CNTNAP2: variants seen among roughly 807,000 people sequenced by gnomAD.
The protein encoded by CNTNAP2 is contactin associated protein 2.
CNTNAP2 carries 98 observed loss-of-function variants against 155.2 expected under a neutral mutation model. The observed-to-expected ratio is 0.63, with a 90% CI of 0.54 to 0.75. The LOEUF is 0.75. Among genes scored for constraint, CNTNAP2 ranks in the 30% least tolerant of loss-of-function variants. The pLI is 0.00. For synonymous variants in CNTNAP2, 651 were observed against 631.2 expected (o/e 1.03, Z -0.47); for missense variants, 1,727 against 1,688.1 (o/e 1.02, Z -0.40).
At chr7:146,842,907 C>G (rs1193684129) in intron 3 of CNTNAP2, among the ~76,000 whole-genome samples, 133 of 147,208 alleles carry the variant, frequency 9.0e-4, no homozygotes, top group Middle Eastern at 7.5e-3. Context: ...GGATGGTCTC[C>G]ATCTCCTGAC....
At position 146,397,871 on chromosome 7, in the gene CNTNAP2, C is replaced by CTTTTTT. The variant is rs1438446898; in HGVS notation, c.97+280902_97+280903insTTTTTT. Among the ~76,000 whole-genome samples the CTTTTTT allele has an allele frequency of 2.0e-4, 25 of 126,924 alleles. 1 individual carries two copies. The highest frequency in any genetic ancestry group is 4.7e-4 in the African/African-American group (14 of 29,516). 83.3% of individuals were successfully genotyped at this position (126,924 alleles called of 152,430 possible). On this transcript the variant is annotated intron_variant, in intron 1 of 23. Transcript: ENST00000361727. Reference sequence around the variant, plus strand: ...ATTTTGTATACCAAAATTTGACAGGCTTTTATTTATTTATTTATTTTTGAC... The same window carrying CTTTTTT: ...ATTTTGTATACCAAAATTTGACAGGCTTTTTTTTTTATTTATTTATTTATTTTTGAC...
intron 1 of CNTNAP2, among the ~76,000 whole-genome samples, chr7:146,503,159 T>C (rs1797332357): frequency 6.6e-6 from 1 of 152,230 alleles, no homozygotes; most frequent in Admixed American, 6.5e-5. Context: ...TTTTATTGAT[T>C]ATTTCCTTTG....
intron 1 of CNTNAP2, among the ~76,000 whole-genome samples, chr7:146,573,376 C>G (rs1798472810): frequency 6.6e-6 from 1 of 152,080 alleles, no homozygotes; most frequent in Non-Finnish European, 1.5e-5. Context: ...CTCCTGACCT[C>G]GTGATCTGCC....
At chr7:146,892,883 A>G (rs982379115) in intron 3 of CNTNAP2, among the ~76,000 whole-genome samples, 2 of 152,204 alleles carry the variant, frequency 1.3e-5, no homozygotes, top group African/African-American at 2.4e-5. Flanking sequence ...CCAGATAGGT[A>G]TAAACTTCTG....
At chr7:148,406,343 C>T (rs942229640) in intron 22 of CNTNAP2, among the ~76,000 whole-genome samples, 1 of 152,182 alleles carries the variant, frequency 6.6e-6, no homozygotes, top group Non-Finnish European at 1.5e-5. Context: ...AAATATCACT[C>T]ACTCACAAAG....
chr7:147,546,607 G>T (rs562255088), intron 11 of CNTNAP2, among the ~76,000 whole-genome samples: 1 of 152,290 alleles, frequency 6.6e-6, no homozygotes, highest in African/African-American at 2.4e-5. Flanking sequence ...TAGGACAAAT[G>T]CTTTATTACA....
chr7:147,832,628 A>T (rs1003264452), intron 13 of CNTNAP2, among the ~76,000 whole-genome samples: 2 of 146,050 alleles, frequency 1.4e-5, no homozygotes, highest in African/African-American at 2.5e-5. Flanking sequence ...TTATATTTTT[A>T]TATAAAGCAA....
At chr7:146,229,310 G>A (rs969910516) in intron 1 of CNTNAP2, among the ~76,000 whole-genome samples, 2 of 152,128 alleles carry the variant, frequency 1.3e-5, no homozygotes, top group African/African-American at 4.8e-5. Context: ...GTCCTTTTAA[G>A]CCATGAAACT....
At chr7:146,943,122 A>G (rs890601206) in intron 3 of CNTNAP2, among the ~76,000 whole-genome samples, 68 of 152,204 alleles carry the variant, frequency 4.5e-4, no homozygotes, top group African/African-American at 1.6e-3. Context: ...ATTATAGCCT[A>G]CTGTTGACCA....
intron 21 of CNTNAP2, among the ~76,000 whole-genome samples, chr7:148,367,233 A>G (rs1009434834): frequency 2.6e-5 from 4 of 151,210 alleles, no homozygotes; most frequent in Non-Finnish European, 5.9e-5. Context: ...CTGTCTCAAA[A>G]AAAAAATAAA....
intron 11 of CNTNAP2, among the ~76,000 whole-genome samples, chr7:147,558,649 A>C (rs1799995077): frequency 1.3e-5 from 2 of 152,158 alleles, no homozygotes; most frequent in South Asian, 4.1e-4. Context: ...CAAGCACAAT[A>C]ATTGTTATAC....
intron 2 of CNTNAP2, among the ~76,000 whole-genome samples, chr7:146,778,300 A>G (rs1446013551): frequency 6.6e-6 from 1 of 152,234 alleles, no homozygotes; most frequent in African/African-American, 2.4e-5. Flanking sequence ...AGATTGTCAC[A>G]TATTTATGAA....
chr7:146,943,348 C>T (rs1365611302), intron 3 of CNTNAP2, among the ~76,000 whole-genome samples: 5 of 151,906 alleles, frequency 3.3e-5, no homozygotes, highest in East Asian at 1.9e-4. Flanking sequence ...AAAAATTAGC[C>T]GGGTGTGGTG....
intron 14 of CNTNAP2, among the ~76,000 whole-genome samples, chr7:147,976,955 C>G (rs2373283): frequency 0.35 from 53,442 of 151,876 alleles, 9,679 homozygotes; most frequent in East Asian, 0.58. Context: ...AATGACATCA[C>G]ACTGCTTTGT....
chr7:147,188,086 G>GA (rs1802605287), intron 8 of CNTNAP2, among the ~76,000 whole-genome samples: 1 of 151,932 alleles, frequency 6.6e-6, no homozygotes, highest in Non-Finnish European at 1.5e-5. Context: ...TAAAATGAGA[G>GA]AAAAAAGAAC....
intron 8 of CNTNAP2, among the ~76,000 whole-genome samples, chr7:147,195,028 T>A (rs1802757288): frequency 6.6e-6 from 1 of 152,224 alleles, no homozygotes; most frequent in Non-Finnish European, 1.5e-5. Flanking sequence ...TGCCTAGGTT[T>A]TCTTCAAGGG....
intron 13 of CNTNAP2, among the ~76,000 whole-genome samples, chr7:147,716,303 G>C (rs374693209): frequency 5.5e-4 from 83 of 152,234 alleles, no homozygotes; most frequent in African/African-American, 1.7e-3. Context: ...ATAAGCGAAA[G>C]AAAGATAATA....
intron 15 of CNTNAP2, among the ~76,000 whole-genome samples, chr7:148,004,257 C>G (rs1448708169): frequency 6.6e-6 from 1 of 152,120 alleles, no homozygotes; most frequent in Non-Finnish European, 1.5e-5. Context: ...AACCCTAGAA[C>G]ACAGTTTCTA....
At chr7:148,162,841 A>T (rs2906298) in intron 17 of CNTNAP2, among the ~76,000 whole-genome samples, 13,080 of 151,900 alleles carry the variant, frequency 0.086, 949 homozygotes, top group East Asian at 0.28. Flanking sequence ...ACAAAAAAAA[A>T]TTTTTTTAAT....
Sources: allele counts gnomAD v4.1 joint callset (sites outside exome capture counted in the v4.1 genomes callset), GRCh38; gene constraint gnomAD v4.1.1; transcripts MANE v1.5; gene names NCBI Gene and HGNC (gene_info 2026-07-23, HGNC 2026-07-21).